The following TMEM209 variants were observed in gnomAD, a reference collection of about 807,000 sequenced individuals.
The protein encoded by TMEM209 is transmembrane protein 209.
TMEM209 carries 65 observed loss-of-function variants against 76.2 expected under a neutral mutation model. The observed-to-expected ratio is 0.85, with a 90% CI of 0.70 to 1.05. The LOEUF (loss-of-function observed/expected upper bound fraction) is 1.05, where lower values mean the gene tolerates loss of function less well. Ranked by LOEUF, TMEM209 falls within the 50% of genes least tolerant of loss-of-function variation. The pLI is 0.00. For missense variants in TMEM209, 623 were observed against 685.5 expected, an observed-to-expected ratio of 0.91 and a Z score of 1.02; for synonymous variants, 239 against 237.6, an observed-to-expected ratio of 1.01 and a Z score of -0.06.
At chr7:130,181,961 A>G (rs1319411967) in intron 8 of TMEM209, 4 of 336,616 alleles carry the variant, frequency 1.2e-5, no homozygotes, top group African/African-American at 6.5e-5. Flanking sequence ...TTTTTTCGAG[A>G]TGGAGTTTCG....
chr7:130,187,703 T>C (rs1028971204), intron 6 of TMEM209, among the ~76,000 whole-genome samples: 4 of 151,450 alleles, frequency 2.6e-5, no homozygotes, highest in Non-Finnish European at 4.4e-5. Context: ...ATTATAGATA[T>C]ATCTTCACAT....
chr7:130,173,989 T>C, intron 11 of TMEM209, 50 bp from the exon 12 acceptor site: 2 of 1,265,800 alleles, frequency 1.6e-6, no homozygotes, highest in Non-Finnish European at 2.3e-6. Flanking sequence ...AAATCTAGCA[T>C]GGATGTAGAA....
At chr7:130,175,935 G>A (rs977811911) in intron 10 of TMEM209, among the ~76,000 whole-genome samples, 1 of 151,976 alleles carries the variant, frequency 6.6e-6, no homozygotes, top group Admixed American at 6.6e-5. Context: ...TTGTATTATG[G>A]TTAGGAGAAT....
At chr7:130,181,784 C>CT in intron 8 of TMEM209, 65 bp from the exon 9 acceptor site, 2 of 1,339,656 alleles carry the variant, frequency 1.5e-6, no homozygotes, top group Non-Finnish European at 1.0e-6. Flanking sequence ...TAATTACTTT[C>CT]TTTTTTACAA....
chr7:130,181,287 G>A (rs73146703), intron 9 of TMEM209, among the ~76,000 whole-genome samples: 3,355 of 152,258 alleles, frequency 0.022, 78 homozygotes, highest in Non-Finnish European at 0.033. Flanking sequence ...AAATAGACTG[G>A]CACTTGCAAA....
chr7:130,202,469 T>TA (rs1276732314), intron 4 of TMEM209, 63 bp downstream of exon 4: 6 of 1,544,370 alleles, frequency 3.9e-6, no homozygotes, highest in East Asian at 4.5e-5. Flanking sequence ...ATGGGAAAAT[T>TA]AAACTGAGAA....
chr7:130,191,467 T>G (rs1319060419), intron 6 of TMEM209, among the ~76,000 whole-genome samples: 1 of 152,042 alleles, frequency 6.6e-6, no homozygotes, highest in Non-Finnish European at 1.5e-5. Flanking sequence ...TGAACAAATA[T>G]AGAGCCCCAA....
rs370172232 is a variant in TMEM209 at position 130,175,306 on chromosome 7, TAAAA to T, written c.1344+202_1344+205del. 1,578 of 447,690 alleles carry T rather than the reference TAAAA, an allele frequency of 3.5e-3. 7 individuals carry two copies. Among genetic ancestry groups the T allele is most frequent in the Middle Eastern group, 0.022 (39 of 1,738 alleles). 27.7% of individuals were successfully genotyped at this position (447,690 alleles called of 1,614,324 possible). A position where few individuals can be genotyped will look rare whatever the true frequency, so the allele number is the denominator to read the frequency against. On this transcript the variant is annotated intron_variant, in intron 11 of 14. Transcript: ENST00000397622. Reference sequence around the variant, plus strand: ...GTGAGACCCCATCTCTACAAAAAATTAAAAAAATTAGCTGGGTGTGGTGGTTCAG... The same window carrying T: ...GTGAGACCCCATCTCTACAAAAAATTAAATTAGCTGGGTGTGGTGGTTCAG...
intron 7 of TMEM209, among the ~76,000 whole-genome samples, 170 bp downstream of exon 7, chr7:130,185,022 T>C (rs546720664): frequency 2.6e-5 from 4 of 152,334 alleles, no homozygotes; most frequent in Admixed American, 2.0e-4. Context: ...ATTTAGTTTT[T>C]AGTTTTAGGC....
chr7:130,170,777 A>T (rs1797043206), intron 13 of TMEM209, among the ~76,000 whole-genome samples: 1 of 152,072 alleles, frequency 6.6e-6, no homozygotes, highest in East Asian at 1.9e-4. Flanking sequence ...ACATATGAAG[A>T]TGCAGTGTCT....
chr7:130,185,870 T>C (rs1350846016), intron 6 of TMEM209, among the ~76,000 whole-genome samples: 1 of 152,138 alleles, frequency 6.6e-6, no homozygotes, highest in African/African-American at 2.4e-5. Flanking sequence ...TCCTGAGTTG[T>C]ACTAAAAGAC....
Position 130,203,969 on chromosome 7 carries a change from C to G in TMEM209, c.140+5G>C. The G allele has an allele frequency of 1.2e-6, 2 of 1,611,660 alleles. No homozygotes were observed. Among genetic ancestry groups the G allele is most frequent in the Non-Finnish European group, 1.7e-6 (2 of 1,179,298 alleles). On this transcript the variant is annotated splice_donor_5th_base_variant and intron_variant, in intron 2 of 14. Transcript: ENST00000397622. ...GTTTCACTTTTTTTGGACTGATTCA[C>G]TTACATTTCAGTATATATCATTCCA...
intron 9 of TMEM209, among the ~76,000 whole-genome samples, chr7:130,180,240 T>G (rs1254247753): frequency 6.6e-6 from 1 of 152,190 alleles, no homozygotes; most frequent in African/African-American, 2.4e-5. Context: ...GTCTTTATGC[T>G]TTATACAACT....
At chr7:130,202,505 C>A (rs946672838) in intron 4 of TMEM209, 27 bp downstream of exon 4, 3 of 1,579,440 alleles carry the variant, frequency 1.9e-6, no homozygotes, top group Non-Finnish European at 1.7e-6. Flanking sequence ...CTTTTCCCCA[C>A]CTTTGCAAGA....
intron 10 of TMEM209, among the ~76,000 whole-genome samples, chr7:130,177,324 C>T (rs1797268566): frequency 6.7e-6 from 1 of 149,316 alleles, no homozygotes; most frequent in African/African-American, 2.5e-5. Context: ...GCACTCTAGC[C>T]TGGCGACAGA....
At chr7:130,202,305 T>G (rs886528970) in intron 4 of TMEM209, among the ~76,000 whole-genome samples, 1 of 148,930 alleles carries the variant, frequency 6.7e-6, no homozygotes, top group African/African-American at 2.6e-5. Context: ...CTCAGCAAGT[T>G]AGTCATTTAA....
Position 130,186,803 on chromosome 7 carries a change from A to C in TMEM209, c.776-1436T>G, listed in dbSNP as rs146108920. Among the ~76,000 whole-genome samples the C allele has an allele frequency of 3.4e-3, 522 of 152,164 alleles. 1 individual carries two copies. The highest frequency in any genetic ancestry group is 0.011 in the African/African-American group (441 of 41,522). ...CCATCACCACCACCACCACCACCACAACAACAGCACACAATCTATAGCTGG... is the reference window on the plus strand; with the variant it reads ...CCATCACCACCACCACCACCACCACCACAACAGCACACAATCTATAGCTGG... On this transcript the variant is annotated intron_variant, in intron 6 of 14. Transcript: ENST00000397622.
chr7:130,190,543 T>C (rs554457613), intron 6 of TMEM209, among the ~76,000 whole-genome samples: 20 of 143,130 alleles, frequency 1.4e-4, no homozygotes, highest in African/African-American at 4.9e-4. Flanking sequence ...AAAAGGCTAA[T>C]ATTGTAAATT....
chr7:130,196,101 G>C (rs773385128), intron 5 of TMEM209, among the ~76,000 whole-genome samples: 1 of 152,042 alleles, frequency 6.6e-6, no homozygotes, highest in African/African-American at 2.4e-5. Context: ...TTTAGAAGAT[G>C]GGTAAAAGAT....
Sources: allele counts gnomAD v4.1 joint callset (sites outside exome capture counted in the v4.1 genomes callset), GRCh38; gene constraint gnomAD v4.1.1; transcripts MANE v1.5; gene names NCBI Gene and HGNC (gene_info 2026-07-23, HGNC 2026-07-21).